KCTD8: variants seen among roughly 807,000 people sequenced by gnomAD.
KCTD8 encodes the protein BTB/POZ domain-containing protein KCTD8.
In KCTD8, 27 loss-of-function variants were observed where a neutral mutation model predicts 31.5. That is an observed-to-expected ratio of 0.86 (90% CI 0.63 to 1.18). The LOEUF (loss-of-function observed/expected upper bound fraction) is 1.18. Among genes scored for constraint, KCTD8 ranks in the 50% most tolerant of loss-of-function variants. The probability of loss-of-function intolerance (pLI) is 0.00; values close to 1 mark genes in which losing one functional copy is unlikely to be tolerated. For synonymous variants in KCTD8, 290 were observed against 280.0 expected, an observed-to-expected ratio of 1.04 and a Z score of -0.36; for missense variants, 658 against 647.7, an observed-to-expected ratio of 1.02 and a Z score of -0.17.
Position 44,268,953 on chromosome 4 carries a change from C to T in KCTD8, c.962-93703G>A, listed in dbSNP as rs188128064. The stretch of plus-strand genomic sequence containing the variant: ...GTAGGAAGAATCAATATTGTGAAAA[C>T]GGCCATCCTGCCCAAGGTAATTTAT... On this transcript the variant is annotated intron_variant, in intron 1 of 1. Transcript: ENST00000360029. Among the ~76,000 whole-genome samples the T allele has an allele frequency of 4.7e-3, 708 of 152,180 alleles. 23 individuals carry two copies. Among genetic ancestry groups the T allele is most frequent in the Admixed American group, 0.04 (605 of 15,280 alleles).
At chr4:44,304,812 T>C (rs1717751837) in intron 1 of KCTD8, among the ~76,000 whole-genome samples, 1 of 152,018 alleles carries the variant, frequency 6.6e-6, no homozygotes, top group Admixed American at 6.6e-5. Flanking sequence ...TTGATTATGA[T>C]GGTGGCCACA....
intron 1 of KCTD8, among the ~76,000 whole-genome samples, chr4:44,352,898 C>T (rs1366668738): frequency 1.3e-5 from 2 of 152,038 alleles, no homozygotes; most frequent in Non-Finnish European, 1.5e-5. Context: ...ATAATATCAA[C>T]TGCTTTCACC....
chr4:44,343,526 T>C (rs1718959947), intron 1 of KCTD8, among the ~76,000 whole-genome samples: 1 of 152,114 alleles, frequency 6.6e-6, no homozygotes, highest in South Asian at 2.1e-4. Flanking sequence ...AGACATGAAG[T>C]GAGCACCTGC....
chr4:44,312,335 A>C (rs1717978840), intron 1 of KCTD8, among the ~76,000 whole-genome samples: 1 of 152,158 alleles, frequency 6.6e-6, no homozygotes, highest in Non-Finnish European at 1.5e-5. Context: ...TTGCATCTGC[A>C]ATAGAAAGGG....
intron 1 of KCTD8, among the ~76,000 whole-genome samples, chr4:44,376,197 C>A (rs1455922384): frequency 6.6e-6 from 1 of 152,130 alleles, no homozygotes; most frequent in African/African-American, 2.4e-5. Flanking sequence ...AGGAAGCACA[C>A]CAGAGTCAGG....
intron 1 of KCTD8, among the ~76,000 whole-genome samples, chr4:44,312,715 A>G (rs963882861): frequency 3.9e-5 from 6 of 152,198 alleles, no homozygotes; most frequent in Non-Finnish European, 7.3e-5. Context: ...TTATACACAC[A>G]TATCCATAGA....
At chr4:44,405,770 C>T (rs1245639483) in intron 1 of KCTD8, among the ~76,000 whole-genome samples, 1 of 126,246 alleles carries the variant, frequency 7.9e-6, no homozygotes, top group Non-Finnish European at 1.6e-5. Flanking sequence ...ATTTTTGAAT[C>T]AATCATCCTC....
chr4:44,381,683 T>C (rs998086440), intron 1 of KCTD8, among the ~76,000 whole-genome samples: 2 of 151,978 alleles, frequency 1.3e-5, no homozygotes, highest in African/African-American at 4.8e-5. Context: ...CCCTCATGAA[T>C]GGCTTCATGT....
intron 1 of KCTD8, among the ~76,000 whole-genome samples, chr4:44,207,664 A>G (rs1463141926): frequency 1.3e-5 from 2 of 152,192 alleles, no homozygotes; most frequent in African/African-American, 4.8e-5. Flanking sequence ...TGTAAAGTTA[A>G]ATGTATTTAA....
chr4:44,387,864 A>C (rs1720263105), intron 1 of KCTD8, among the ~76,000 whole-genome samples: 1 of 151,844 alleles, frequency 6.6e-6, no homozygotes, highest in Non-Finnish European at 1.5e-5. Flanking sequence ...AAAATTGACA[A>C]ATGGAATTGA....
intron 1 of KCTD8, among the ~76,000 whole-genome samples, chr4:44,265,356 C>G (rs1379478929): frequency 6.6e-6 from 1 of 152,122 alleles, no homozygotes; most frequent in Non-Finnish European, 1.5e-5. Context: ...GGAAAACTAA[C>G]AAACAGAAAG....
At chr4:44,243,282 A>T (rs1000759289) in intron 1 of KCTD8, among the ~76,000 whole-genome samples, 3 of 152,218 alleles carry the variant, frequency 2.0e-5, no homozygotes, top group African/African-American at 7.2e-5. Flanking sequence ...AAACCCAATT[A>T]CCCATGTGTT....
At chr4:44,324,888 T>C (rs577572182) in intron 1 of KCTD8, among the ~76,000 whole-genome samples, 2 of 152,068 alleles carry the variant, frequency 1.3e-5, no homozygotes, top group Non-Finnish European at 2.9e-5. Context: ...AATTTCAGAC[T>C]GGCCTTATGT....
chr4:44,411,325 C>T (rs1433750159), intron 1 of KCTD8, among the ~76,000 whole-genome samples: 1 of 145,836 alleles, frequency 6.9e-6, no homozygotes, highest in East Asian at 2.0e-4. Context: ...CTGCAGTGAG[C>T]CATGAATGTG....
intron 1 of KCTD8, among the ~76,000 whole-genome samples, chr4:44,348,567 G>C (rs1390737610): frequency 6.6e-6 from 1 of 152,068 alleles, no homozygotes. Flanking sequence ...CTTCACTACT[G>C]TAAGTTTTTA....
intron 1 of KCTD8, among the ~76,000 whole-genome samples, chr4:44,350,283 T>C (rs944092260): frequency 6.6e-6 from 1 of 152,140 alleles, no homozygotes; most frequent in African/African-American, 2.4e-5. Context: ...ATCCTACCCA[T>C]CATCTGAAGC....
intron 1 of KCTD8, among the ~76,000 whole-genome samples, chr4:44,281,795 A>G (rs977247992): frequency 3.9e-5 from 6 of 152,118 alleles, no homozygotes; most frequent in Non-Finnish European, 7.4e-5. Context: ...CAATAATAGG[A>G]GTAATCCTTT....
Position 44,174,748 on chromosome 4 carries a change from A to T in KCTD8, c.*42T>A. 1 of 1,453,462 alleles carries T rather than the reference A, an allele frequency of 6.9e-7. No individual in the cohort carries two copies. The highest frequency in any genetic ancestry group is 9.4e-7 in the Non-Finnish European group (1 of 1,060,530). The allele number at this position is 1,453,462 out of a possible 1,614,324, so 90.0% of individuals were successfully genotyped here. On this transcript the variant is annotated 3_prime_UTR_variant, in exon 2 of 2. Transcript: ENST00000360029. ...TCAGTCAGGTGGTGACACTGTAGTA[A>T]ACATTGAATGTCATCAAAATACTGC...
intron 1 of KCTD8, among the ~76,000 whole-genome samples, chr4:44,250,441 C>A (rs1266277498): frequency 1.3e-5 from 2 of 151,646 alleles, no homozygotes; most frequent in Non-Finnish European, 3.0e-5. Flanking sequence ...CTTACTTAAT[C>A]ATGTAGGAAA....
Sources: allele counts gnomAD v4.1 joint callset (sites outside exome capture counted in the v4.1 genomes callset), GRCh38; gene constraint gnomAD v4.1.1; transcripts MANE v1.5; gene names NCBI Gene and HGNC (gene_info 2026-07-23, HGNC 2026-07-21).